The following PHF24 variants were observed in gnomAD, a reference collection of about 807,000 sequenced individuals.
PHF24 encodes the protein PHD finger protein 24, also known as Galpha inhibitory interacting protein.
A neutral mutation model predicts 42.6 loss-of-function variants in PHF24; 25 were observed. The observed-to-expected ratio is 0.59, with a 90% CI of 0.43 to 0.82. The LOEUF (loss-of-function observed/expected upper bound fraction) is 0.82. Ranked by LOEUF, PHF24 falls within the 40% of genes least tolerant of loss-of-function variation. The probability of loss-of-function intolerance (pLI) is 0.00; values close to 1 mark genes in which losing one functional copy is unlikely to be tolerated. For missense variants in PHF24, 470 were observed against 538.1 expected, an observed-to-expected ratio of 0.87 and a Z score of 1.25; for synonymous variants, 185 against 204.8, an observed-to-expected ratio of 0.90 and a Z score of 0.83.
chr9:34,870,263 G>A, the PHF24 span, among the ~76,000 whole-genome samples: 1 of 152,040 alleles, frequency 6.6e-6, no homozygotes, highest in Non-Finnish European at 1.5e-5. Context: ...TCTTGGGGAA[G>A]TGTGCATTCT....
the PHF24 span, among the ~76,000 whole-genome samples, chr9:34,749,603 T>G: frequency 1.6e-5 from 1 of 63,970 alleles, no homozygotes; most frequent in African/African-American, 4.1e-5. Flanking sequence ...TGTTATTCAT[T>G]CTTTTTTTTT....
At chr9:34,851,817 A>C in the PHF24 span, among the ~76,000 whole-genome samples, 1 of 152,084 alleles carries the variant, frequency 6.6e-6, no homozygotes, top group African/African-American at 2.4e-5. Flanking sequence ...TGTTTACTTT[A>C]CCCCCTAATT....
the PHF24 span, among the ~76,000 whole-genome samples, chr9:34,846,357 G>A: frequency 4.6e-5 from 7 of 151,770 alleles, no homozygotes; most frequent in South Asian, 1.5e-3. Flanking sequence ...CAGTGATGGT[G>A]AGCATTTTTT....
the PHF24 span, among the ~76,000 whole-genome samples, chr9:34,675,234 T>C: frequency 6.6e-6 from 1 of 152,082 alleles, no homozygotes; most frequent in African/African-American, 2.4e-5. Context: ...GGGCGTCCAG[T>C]GCCTAGGGAA....
chr9:34,836,060 G>A, the PHF24 span: 4 of 590,648 alleles, frequency 6.8e-6, no homozygotes, highest in Non-Finnish European at 1.3e-5. Flanking sequence ...TGGCTGGAAA[G>A]AGAAACATGG....
At chr9:34,838,750 T>C in the PHF24 span, among the ~76,000 whole-genome samples, 1 of 152,170 alleles carries the variant, frequency 6.6e-6, no homozygotes, top group Non-Finnish European at 1.5e-5. Context: ...TATTTCCTAG[T>C]CTGTCTTCAC....
chr9:34,776,744 G>A, the PHF24 span, among the ~76,000 whole-genome samples: 6 of 152,102 alleles, frequency 3.9e-5, no homozygotes, highest in African/African-American at 1.2e-4. Flanking sequence ...GAATTCCTTT[G>A]GAGGTGTAAC....
the PHF24 span, among the ~76,000 whole-genome samples, chr9:34,759,808 T>G: frequency 1.3e-5 from 2 of 152,132 alleles, no homozygotes; most frequent in African/African-American, 4.8e-5. Flanking sequence ...TGCAAACTCC[T>G]CTCCAGCAAC....
At chr9:34,940,034 G>A in the PHF24 span, among the ~76,000 whole-genome samples, 1 of 152,226 alleles carries the variant, frequency 6.6e-6, no homozygotes, top group South Asian at 2.1e-4. Context: ...ACTACAAGCA[G>A]CCAGAAAGAG....
chr9:34,791,226 T>C, the PHF24 span, among the ~76,000 whole-genome samples: 1 of 152,188 alleles, frequency 6.6e-6, no homozygotes, highest in Non-Finnish European at 1.5e-5. Context: ...GTTTGCAAGA[T>C]AGTCGGCAAG....
the PHF24 span, among the ~76,000 whole-genome samples, chr9:34,914,382 A>G: frequency 0.18 from 27,189 of 152,006 alleles, 2,884 homozygotes; most frequent in East Asian, 0.49. Flanking sequence ...ACTCAGGAAC[A>G]TTTTATTCTC....
the PHF24 span, among the ~76,000 whole-genome samples, chr9:34,861,547 A>G: frequency 3.3e-3 from 505 of 152,342 alleles, 1 homozygote; most frequent in South Asian, 0.017. Context: ...ACATATCAAA[A>G]GGATACAGCA....
chr9:34,837,909 A>G, the PHF24 span, among the ~76,000 whole-genome samples: 5 of 152,108 alleles, frequency 3.3e-5, no homozygotes, highest in East Asian at 1.9e-4. Context: ...TCCAAATTCT[A>G]TACCTTCCAT....
chr9:34,932,274 T>C, the PHF24 span, among the ~76,000 whole-genome samples: 28 of 152,296 alleles, frequency 1.8e-4, no homozygotes, highest in Non-Finnish European at 3.2e-4. Flanking sequence ...CCCATTTTTT[T>C]CCCATGCTGA....
At chr9:34,695,190 G>C in the PHF24 span, among the ~76,000 whole-genome samples, 1 of 152,142 alleles carries the variant, frequency 6.6e-6, no homozygotes, top group Non-Finnish European at 1.5e-5. Context: ...GTTGAAACTT[G>C]AGTTGATAAA....
At chr9:34,886,791 A>G in the PHF24 span, among the ~76,000 whole-genome samples, 106 of 114,250 alleles carry the variant, frequency 9.3e-4, no homozygotes, top group African/African-American at 3.2e-3. Flanking sequence ...TACTCTGTCT[A>G]TCTACTCTAT....
the PHF24 span, among the ~76,000 whole-genome samples, chr9:34,688,254 G>T: frequency 6.6e-6 from 1 of 152,128 alleles, no homozygotes; most frequent in Admixed American, 6.5e-5. Flanking sequence ...GCTCAATCTG[G>T]CCTCCTTGCT....
the PHF24 span, among the ~76,000 whole-genome samples, chr9:34,824,207 A>G: frequency 6.6e-6 from 1 of 152,164 alleles, no homozygotes; most frequent in African/African-American, 2.4e-5. Context: ...GCTGGGCCCT[A>G]TAGGCCTGTA....
rs1826489995 is a variant in PHF24 at position 34,958,881 on chromosome 9, G to A, written c.-5+480G>A. Among the ~76,000 whole-genome samples, 1 of 152,172 alleles carries A rather than the reference G, an allele frequency of 6.6e-6. No individual in the cohort carries two copies. Among genetic ancestry groups the A allele is most frequent in the South Asian group, 2.1e-4 (1 of 4,832 alleles). The stretch of plus-strand genomic sequence containing the variant: ...GGAAGCAACCTCTGACTGGGGAGGG[G>A]GATCCTCCCATGGGATCCATGAGTG... On this transcript the variant is annotated intron_variant, in intron 1 of 7. Coordinates refer to ENST00000242315, the Ensembl canonical transcript of PHF24. The surrounding 1 kb of genome is among the most constrained non-coding windows in gnomAD (Gnocchi z 4.5).
Sources: allele counts gnomAD v4.1 joint callset (sites outside exome capture counted in the v4.1 genomes callset), GRCh38; gene constraint gnomAD v4.1.1; non-coding constraint Gnocchi (gnomAD v3.1); transcripts MANE v1.5; gene names NCBI Gene and HGNC (gene_info 2026-07-23, HGNC 2026-07-21).